LRMDA: variants seen among roughly 807,000 people sequenced by gnomAD.
LRMDA encodes leucine rich melanocyte differentiation associated, also known as leucine-rich melanocyte differentiation-associated protein.
LRMDA carries 18 observed loss-of-function variants against 29.8 expected under a neutral mutation model. The ratio of observed to expected loss-of-function variants is 0.60; its 90% CI spans 0.42 to 0.90. LRMDA has a LOEUF of 0.90. Among genes scored for constraint, LRMDA ranks in the 40% least tolerant of loss-of-function variants. LRMDA has a pLI of 0.00. For synonymous variants in LRMDA, 125 were observed against 109.4 expected (o/e 1.14, Z -0.89); for missense variants, 273 against 273.9 (o/e 1.00, Z 0.02).
chr10:75,684,758 G>T (rs537024557), intron 2 of LRMDA, among the ~76,000 whole-genome samples: 1 of 152,294 alleles, frequency 6.6e-6, no homozygotes, highest in Admixed American at 6.5e-5. Flanking sequence ...ATGGGCCAAA[G>T]AGAAATTGTT....
chr10:76,304,718 A>C (rs1840529365), intron 5 of LRMDA, among the ~76,000 whole-genome samples: 1 of 152,202 alleles, frequency 6.6e-6, no homozygotes, highest in African/African-American at 2.4e-5. Context: ...ACTATGGGCC[A>C]CCCAGGTGGA....
At chr10:75,589,479 G>A (rs1341789999) in intron 2 of LRMDA, among the ~76,000 whole-genome samples, 1 of 152,140 alleles carries the variant, frequency 6.6e-6, no homozygotes, top group Non-Finnish European at 1.5e-5. Context: ...TTGGCTGGAT[G>A]TGGTGGCTCA....
chr10:75,705,342 T>A (rs1842354061), intron 2 of LRMDA, among the ~76,000 whole-genome samples: 1 of 152,194 alleles, frequency 6.6e-6, no homozygotes, highest in African/African-American at 2.4e-5. Context: ...GAAGTCTAAC[T>A]CTGGGCAGTT....
chr10:75,544,490 T>C (rs1840054145), intron 2 of LRMDA, among the ~76,000 whole-genome samples: 3 of 152,164 alleles, frequency 2.0e-5, no homozygotes, highest in South Asian at 2.1e-4. Context: ...GACTTGGATA[T>C]AGGGTGCTCG....
intron 5 of LRMDA, among the ~76,000 whole-genome samples, chr10:76,302,245 C>T (rs1459658132): frequency 1.3e-5 from 2 of 152,154 alleles, no homozygotes; most frequent in African/African-American, 4.8e-5. Context: ...AGCAGAGCTA[C>T]CTACCTGAGG....
chr10:75,722,713 G>A (rs563676539), intron 2 of LRMDA, among the ~76,000 whole-genome samples: 2 of 152,330 alleles, frequency 1.3e-5, no homozygotes, highest in African/African-American at 4.8e-5. Flanking sequence ...AACAGCAAAA[G>A]TAGCTCAGCA....
At chr10:76,348,898 C>A (rs918003549) in intron 6 of LRMDA, among the ~76,000 whole-genome samples, 2 of 152,164 alleles carry the variant, frequency 1.3e-5, no homozygotes, top group Non-Finnish European at 2.9e-5. Flanking sequence ...GGGGTTTGGT[C>A]ATTAGCTGAA....
intron 2 of LRMDA, among the ~76,000 whole-genome samples, chr10:75,491,064 G>A (rs1844981130): frequency 6.6e-6 from 1 of 152,226 alleles, no homozygotes; most frequent in South Asian, 2.1e-4. Flanking sequence ...GAAGGAAGGA[G>A]AGGCAGCATT....
intron 2 of LRMDA, among the ~76,000 whole-genome samples, chr10:75,939,769 G>C (rs1428100662): frequency 6.6e-6 from 1 of 152,126 alleles, no homozygotes; most frequent in African/African-American, 2.4e-5. Flanking sequence ...AACTAGGTAG[G>C]TATTTGGCTC....
chr10:76,551,706 A>C (rs370329293), intron 6 of LRMDA, among the ~76,000 whole-genome samples: 3 of 152,258 alleles, frequency 2.0e-5, no homozygotes, highest in South Asian at 2.1e-4. Flanking sequence ...CGGGTGTTAG[A>C]AATTGGGGAG....
chr10:75,759,445 A>G (rs961255658), intron 2 of LRMDA, among the ~76,000 whole-genome samples: 3 of 152,208 alleles, frequency 2.0e-5, no homozygotes, highest in Admixed American at 6.5e-5. Flanking sequence ...TGTGAGTTAC[A>G]CTGTAAGGAA....
chr10:75,644,471 T>G (rs1388569974), intron 2 of LRMDA, among the ~76,000 whole-genome samples: 1 of 152,240 alleles, frequency 6.6e-6, no homozygotes, highest in Non-Finnish European at 1.5e-5. Context: ...TTTCATGAAC[T>G]GTGTGATATA....
intron 5 of LRMDA, among the ~76,000 whole-genome samples, chr10:76,168,846 T>C (rs1308758370): frequency 6.6e-6 from 1 of 152,250 alleles, no homozygotes; most frequent in East Asian, 1.9e-4. Flanking sequence ...CATTTTATCC[T>C]TGACATTGGA....
At chr10:76,261,485 A>G (rs994532834) in intron 5 of LRMDA, among the ~76,000 whole-genome samples, 1 of 136,868 alleles carries the variant, frequency 7.3e-6, no homozygotes, top group African/African-American at 3.2e-5. Flanking sequence ...CACTGGTTCT[A>G]AAAAAAAAAT....
chr10:76,002,065 C>G (rs950457253), intron 2 of LRMDA, among the ~76,000 whole-genome samples: 3 of 152,160 alleles, frequency 2.0e-5, no homozygotes, highest in Non-Finnish European at 4.4e-5. Context: ...TCTCACAGTT[C>G]TGGAGTCTGG....
At chr10:76,439,843 A>G (rs1370976953) in intron 6 of LRMDA, among the ~76,000 whole-genome samples, 1 of 152,230 alleles carries the variant, frequency 6.6e-6, no homozygotes, top group Non-Finnish European at 1.5e-5. Context: ...GAAATCTCAG[A>G]AACAGAAGAA....
At chr10:75,592,864 A>G (rs1343707753) in intron 2 of LRMDA, among the ~76,000 whole-genome samples, 3 of 152,158 alleles carry the variant, frequency 2.0e-5, no homozygotes, top group African/African-American at 4.8e-5. Flanking sequence ...TTTAAAGTCT[A>G]CTTGCTTCCC....
chr10:75,743,241 A>G (rs1842851388), intron 2 of LRMDA, among the ~76,000 whole-genome samples: 1 of 152,142 alleles, frequency 6.6e-6, no homozygotes, highest in African/African-American at 2.4e-5. Context: ...TCCTGATCCA[A>G]CCTGACCTTC....
intron 2 of LRMDA, among the ~76,000 whole-genome samples, chr10:75,448,411 G>A (rs1040608306): frequency 2.0e-5 from 3 of 152,194 alleles, no homozygotes; most frequent in African/African-American, 4.8e-5. Context: ...TATCGTGCAT[G>A]TGAGTGGTGC....
Sources: gnomAD v4.1 joint callset for allele counts (sites outside exome capture counted in the v4.1 genomes callset) on GRCh38, gnomAD v4.1.1 for gene constraint, MANE v1.5 for transcripts, NCBI Gene and HGNC (gene_info 2026-07-23, HGNC 2026-07-21) for gene names.